The following ARHGEF18 variants were observed in gnomAD, a reference collection of about 807,000 sequenced individuals.
ARHGEF18 encodes the protein rho guanine nucleotide exchange factor 18.
Under a neutral mutation model 155.7 loss-of-function variants are expected in ARHGEF18, and 93 were observed. The observed-to-expected ratio is 0.60, with a 90% CI of 0.50 to 0.71. ARHGEF18 has a LOEUF of 0.71. ARHGEF18 is among the 30% of genes least tolerant of loss of function. The pLI is 0.00. For synonymous variants in ARHGEF18, 742 were observed against 753.1 expected, an observed-to-expected ratio of 0.99 and a Z score of 0.24; for missense variants, 1,593 against 1,816.1, an observed-to-expected ratio of 0.88 and a Z score of 2.23.
At chr19:7,384,942 G>A (rs1031617382) in intron 10 of ARHGEF18, among the ~76,000 whole-genome samples, 26 of 152,170 alleles carry the variant, frequency 1.7e-4, no homozygotes, top group Middle Eastern at 3.4e-3. Context: ...CGATCCTCCC[G>A]CCTCAGCCTC....
At chr19:7,362,199 G>C (rs1333517383) in intron 1 of ARHGEF18, among the ~76,000 whole-genome samples, 1 of 135,960 alleles carries the variant, frequency 7.4e-6, no homozygotes, top group Non-Finnish European at 1.5e-5. Context: ...AGAAGGAGAA[G>C]AAGAAGGAGA....
In ARHGEF18 at chr19:7,451,172, G is replaced by C; in HGVS notation, c.1761G>C (p.Val587=). ...LIKKIGNFSI[V]RRLGVQECIL... ...AGAAAATTGGCAACTTCTCCATCGT[G>C]CGGCGGCTTGGCGTGCAGGAGTGCA... The change falls in exon 16 of 29, where the codon GTG becomes GTC. Residue 587 remains valine (V), a synonymous_variant. Transcript: ENST00000668164. 1 of 1,535,142 alleles carries C rather than the reference G, an allele frequency of 6.5e-7. No individual in the cohort carries two copies. Among genetic ancestry groups the C allele is most frequent in the Non-Finnish European group, 8.7e-7 (1 of 1,146,562 alleles).
At chr19:7,419,967 C>A (rs1156386112) in intron 10 of ARHGEF18, among the ~76,000 whole-genome samples, 1 of 113,344 alleles carries the variant, frequency 8.8e-6, no homozygotes, top group African/African-American at 6.6e-5. Flanking sequence ...GGCCCTCATA[C>A]CCCAGGTGCG....
chr19:7,453,582 C>T lies in ARHGEF18; in HGVS notation c.1971C>T (p.Ile657=), dbSNP rs768500658. ...AGAAGGGCCAGCGCCTCAGGGAGAT[C>T]GCAGGGAAGATGGACCTGAAGTCTT... ...ECEKGQRLRE[I]AGKMDLKSSS... Residue 657 remains isoleucine (I), a synonymous_variant, in exon 17 of 29, where the codon ATC becomes ATT. Transcript: ENST00000668164. The T allele has an allele frequency of 3.6e-5, 58 of 1,613,828 alleles. No homozygotes were observed. In the East Asian group the frequency reaches 3.8e-4, roughly 11 times the overall value.
Position 7,442,071 on chromosome 19 carries a change from T to C in ARHGEF18, c.1360+19T>C. On this transcript the variant is annotated intron_variant, in intron 13 of 28. Coordinates refer to ENST00000668164, the MANE Select transcript of ARHGEF18 (RefSeq NM_001367823.1). ...CTTTATGGTGAGGAGTCCACAGCCC[T>C]GTGCCATCACACCGGCCCTCCACTC... 6.2e-7 allele frequency: 1 copy of C among 1,613,150 alleles called. No individual in the cohort carries two copies. The highest frequency in any genetic ancestry group is 8.5e-7 in the Non-Finnish European group (1 of 1,179,454).
intron 10 of ARHGEF18, among the ~76,000 whole-genome samples, chr19:7,400,333 TA>T (rs959699860): frequency 6.6e-6 from 1 of 152,066 alleles, no homozygotes; most frequent in South Asian, 2.1e-4. Flanking sequence ...ATTATTTTTT[TA>T]AAAAAACAGG....
In ARHGEF18 at chr19:7,472,040, T is replaced by G. The variant is rs1393806568; in HGVS notation, c.*1742T>G. On this transcript the variant is annotated 3_prime_UTR_variant, in exon 29 of 29. Coordinates refer to ENST00000668164, the MANE Select transcript of ARHGEF18 (RefSeq NM_001367823.1). ...CTGACTGTACATTCCTGTTCTGTTG[T>G]GAAGAGAACATTCCCAGACCCTGGC... 2 of 152,418 alleles carry G rather than the reference T, an allele frequency of 1.3e-5. No individual in the cohort carries two copies. Among genetic ancestry groups the G allele is most frequent in the Non-Finnish European group, 2.9e-5 (2 of 68,036 alleles). The allele number at this position is 152,418 out of a possible 1,614,324, so 9.4% of individuals were successfully genotyped here. A position where few individuals can be genotyped will look rare whatever the true frequency, so the allele number is the denominator to read the frequency against.
chr19:7,467,162 T>C lies in ARHGEF18; in HGVS notation c.3009+44T>C, dbSNP rs753837566. 10 of 1,578,680 alleles carry C rather than the reference T, an allele frequency of 6.3e-6. 1 individual carries two copies. Among genetic ancestry groups the C allele is most frequent in the South Asian group, 5.8e-5 (5 of 86,926 alleles). ...GCCGGCCACGCGTGCCCTTTCCTGG[T>C]TGGCTGGGGCGCAGGTGCGGCTCTC... On this transcript the variant is annotated intron_variant, in intron 25 of 28. Coordinates refer to ENST00000668164, the MANE Select transcript of ARHGEF18 (RefSeq NM_001367823.1).
rs748464108 is a variant in ARHGEF18 at position 7,467,272 on chromosome 19, G to C, written c.3068G>C (p.Arg1023Pro). The change falls in exon 26 of 29, where the codon CGG (arginine) becomes CCG (proline). Residue 1023 changes from arginine to proline, a missense_variant. By Grantham distance (103) the Arg-to-Pro change is moderately radical. Coordinates refer to ENST00000668164, the MANE Select transcript of ARHGEF18 (RefSeq NM_001367823.1). ...VETQRAAIQE[R>P]EKQFRLQSTR... ...ACGCAGCGGGCTGCCATCCAGGAGC[G>C]GGAGAAGCAGTTCCGGCTGCAGTCG... The C allele has an allele frequency of 6.4e-7, 1 of 1,557,582 alleles. No individual in the cohort carries two copies. The highest frequency in any genetic ancestry group is 8.7e-7 in the Non-Finnish European group (1 of 1,154,064).
At chr19:7,354,994 A>C (rs1263150494) in intron 1 of ARHGEF18, among the ~76,000 whole-genome samples, 2 of 152,034 alleles carry the variant, frequency 1.3e-5, no homozygotes, top group African/African-American at 2.4e-5. Flanking sequence ...CACCTCATAG[A>C]TACTAGAAAC....
chr19:7,393,041 C>T, intron 10 of ARHGEF18, among the ~76,000 whole-genome samples: 1 of 121,420 alleles, frequency 8.2e-6, no homozygotes, highest in Admixed American at 1.0e-4. Flanking sequence ...GAGTGAGATC[C>T]TGTCTCAAAA....
intron 14 of ARHGEF18, 126 bp from the exon 15 acceptor site, chr19:7,446,917 A>C: frequency 8.1e-7 from 1 of 1,234,880 alleles, no homozygotes; most frequent in South Asian, 1.5e-5. Context: ...AAAAAGAAGA[A>C]GAAAGAAAGA....
chr19:7,451,586 A>T (rs1449144296), intron 16 of ARHGEF18, among the ~76,000 whole-genome samples: 1 of 150,052 alleles, frequency 6.7e-6, no homozygotes, highest in Non-Finnish European at 1.5e-5. Context: ...AATTTTTTTT[A>T]ATTTTTTTTT....
intron 16 of ARHGEF18, among the ~76,000 whole-genome samples, chr19:7,452,629 C>T (rs1174669840): frequency 6.6e-6 from 1 of 151,818 alleles, no homozygotes; most frequent in African/African-American, 2.4e-5. Flanking sequence ...CCACGCCTGG[C>T]TAATTTTTAT....
At chr19:7,379,051 C>G (rs1970600674) in intron 6 of ARHGEF18, 71 bp from the exon 7 acceptor site, 2 of 1,214,424 alleles carry the variant, frequency 1.6e-6, no homozygotes, top group East Asian at 6.4e-5. Context: ...GCAACCCCAG[C>G]TTATCTAGGG....
intron 10 of ARHGEF18, among the ~76,000 whole-genome samples, chr19:7,436,940 T>A (rs11668055): frequency 0.4 from 61,212 of 151,968 alleles, 12,975 homozygotes; most frequent in East Asian, 0.6. Context: ...GTTTCTGGCC[T>A]CTGAACAAAT....
chr19:7,364,379 A>AGGAG (rs1969788991), intron 2 of ARHGEF18, among the ~76,000 whole-genome samples: 1 of 137,904 alleles, frequency 7.3e-6, no homozygotes, highest in South Asian at 2.5e-4. Context: ...GAAGGAAGGA[A>AGGAG]GGAAGGAAGG....
intron 16 of ARHGEF18, among the ~76,000 whole-genome samples, chr19:7,451,489 C>T (rs1975467523): frequency 6.7e-6 from 1 of 149,800 alleles, no homozygotes; most frequent in Non-Finnish European, 1.5e-5. Flanking sequence ...GCTCATTGCA[C>T]AGCCTCCAAC....
intron 2 of ARHGEF18, 46 bp downstream of exon 2, chr19:7,362,951 G>A (rs749853402): frequency 5.2e-5 from 64 of 1,234,204 alleles, no homozygotes; most frequent in Non-Finnish European, 5.8e-5. Flanking sequence ...TGACGACAGT[G>A]GCAGCAAGTA....
Sources: allele counts gnomAD v4.1 joint callset (sites outside exome capture counted in the v4.1 genomes callset), GRCh38; gene constraint gnomAD v4.1.1; transcripts MANE v1.5; gene names NCBI Gene and HGNC (gene_info 2026-07-23, HGNC 2026-07-21).